The following AGBL1 variants were observed in gnomAD, a reference collection of about 807,000 sequenced individuals.
The protein encoded by AGBL1 is cytosolic carboxypeptidase 4.
AGBL1 carries 130 observed loss-of-function variants against 118.9 expected under a neutral mutation model. The ratio of observed to expected loss-of-function variants is 1.09; its 90% CI spans 0.95 to 1.26. The LOEUF (loss-of-function observed/expected upper bound fraction) is 1.26, where lower values mean the gene tolerates loss of function less well. AGBL1 is among the 50% of genes most tolerant of loss of function. The probability of loss-of-function intolerance (pLI) is 0.00; values close to 1 mark genes in which losing one functional copy is unlikely to be tolerated. For synonymous variants in AGBL1, 555 were observed against 478.9 expected, an observed-to-expected ratio of 1.16 and a Z score of -2.08; for missense variants, 1,584 against 1,298.1, an observed-to-expected ratio of 1.22 and a Z score of -3.38.
intron 22 of AGBL1, among the ~76,000 whole-genome samples, chr15:86,883,212 T>C (rs1302703275): frequency 1.3e-5 from 2 of 152,250 alleles, no homozygotes; most frequent in African/African-American, 4.8e-5. Context: ...CATCTAATGC[T>C]AATAAAATGG....
chr15:86,331,153 G>C (rs1466438558), intron 17 of AGBL1, among the ~76,000 whole-genome samples: 1 of 150,958 alleles, frequency 6.6e-6, no homozygotes, highest in Non-Finnish European at 1.5e-5. Flanking sequence ...GAACCCAGGA[G>C]GCAGAGGTTG....
chr15:86,744,713 A>C (rs1460141532), intron 22 of AGBL1, among the ~76,000 whole-genome samples: 1 of 152,096 alleles, frequency 6.6e-6, no homozygotes, highest in African/African-American at 2.4e-5. Flanking sequence ...CTGAGTCCTG[A>C]GACTAATATG....
chr15:86,334,657 A>AC (rs2080330690), intron 17 of AGBL1, among the ~76,000 whole-genome samples: 1 of 152,050 alleles, frequency 6.6e-6, no homozygotes, highest in Admixed American at 6.6e-5. Flanking sequence ...AGAAAAAAAA[A>AC]CTATTCTAAA....
intron 6 of AGBL1, among the ~76,000 whole-genome samples, chr15:86,231,932 A>T (rs939799513): frequency 8.5e-5 from 13 of 152,238 alleles, no homozygotes; most frequent in Admixed American, 2.0e-4. Flanking sequence ...AACATGGTCC[A>T]TGCCTTGTAG....
intron 21 of AGBL1, among the ~76,000 whole-genome samples, chr15:86,565,106 C>T (rs527982183): frequency 2.6e-5 from 4 of 152,162 alleles, no homozygotes; most frequent in Non-Finnish European, 4.4e-5. Flanking sequence ...GAAGTTTGAT[C>T]GTCTGAAGCC....
intron 24 of AGBL1, among the ~76,000 whole-genome samples, chr15:87,011,096 G>A (rs2081554891): frequency 6.6e-6 from 1 of 152,202 alleles, no homozygotes; most frequent in Non-Finnish European, 1.5e-5. Context: ...TCTTGCCATA[G>A]ATAGTGAATG....
chr15:86,267,293 TACTGATATCATAGCTAC>T (rs56966363), intron 13 of AGBL1, among the ~76,000 whole-genome samples: 72,391 of 151,894 alleles, frequency 0.48, 17,755 homozygotes, highest in African/African-American at 0.58. Context: ...CCACTAAGTG[TACTGATATCATAGCTAC>T]ACTGATATCA....
At chr15:86,480,925 A>G (rs1047082394) in intron 18 of AGBL1, among the ~76,000 whole-genome samples, 1 of 152,060 alleles carries the variant, frequency 6.6e-6, no homozygotes, top group African/African-American at 2.4e-5. Context: ...CATCATGCTA[A>G]GAACTTGGAA....
chr15:86,754,225 T>G (rs2077899619), intron 22 of AGBL1, among the ~76,000 whole-genome samples: 1 of 152,168 alleles, frequency 6.6e-6, no homozygotes, highest in Non-Finnish European at 1.5e-5. Flanking sequence ...TCGTGCTTAC[T>G]CCAAGTTTGT....
intron 5 of AGBL1, among the ~76,000 whole-genome samples, chr15:86,163,564 C>T (rs2077296365): frequency 6.6e-6 from 1 of 151,954 alleles, no homozygotes; most frequent in African/African-American, 2.4e-5. Context: ...CCTATCTCTA[C>T]TAAAAATACA....
intron 5 of AGBL1, among the ~76,000 whole-genome samples, chr15:86,222,519 C>T (rs2078295770): frequency 6.6e-6 from 1 of 152,110 alleles, no homozygotes; most frequent in African/African-American, 2.4e-5. Context: ...TTTGACACCA[C>T]ATCATCTCAA....
At chr15:86,262,289 C>T (rs2079003794) in intron 9 of AGBL1, among the ~76,000 whole-genome samples, 1 of 151,952 alleles carries the variant, frequency 6.6e-6, no homozygotes, top group African/African-American at 2.4e-5. Context: ...CGCTAAAAGG[C>T]AAATACCATG....
intron 19 of AGBL1, among the ~76,000 whole-genome samples, chr15:86,543,650 A>G (rs1395950945): frequency 1.3e-5 from 2 of 152,204 alleles, no homozygotes; most frequent in Non-Finnish European, 2.9e-5. Flanking sequence ...AGTACCTCAC[A>G]AGGAAAGAGT....
chr15:86,967,388 T>G (rs995456246), intron 23 of AGBL1, among the ~76,000 whole-genome samples: 7 of 152,152 alleles, frequency 4.6e-5, no homozygotes, highest in Non-Finnish European at 1.0e-4. Flanking sequence ...GTTTTAGACA[T>G]GAAGTCCTTG....
chr15:86,271,565 G>A, intron 14 of AGBL1, 54 bp from the exon 15 acceptor site: 1 of 1,385,366 alleles, frequency 7.2e-7, no homozygotes, highest in Non-Finnish European at 1.0e-6. Flanking sequence ...TCATTATTTG[G>A]CCCAGAACAA....
intron 16 of AGBL1, among the ~76,000 whole-genome samples, chr15:86,289,762 C>G (rs948035246): frequency 1.1e-4 from 16 of 152,098 alleles, no homozygotes; most frequent in Admixed American, 7.9e-4. Context: ...TTATAAGGAC[C>G]TTTGTCATTA....
chr15:86,779,909 GACACCCCCCCAAC>G (rs2078308648), intron 22 of AGBL1, among the ~76,000 whole-genome samples: 1 of 123,642 alleles, frequency 8.1e-6, no homozygotes, highest in Non-Finnish European at 1.8e-5. Context: ...GTATGTGTTG[GACACCCCCCCAAC>G]ACACACACAC....
rs997753733 is a variant in AGBL1, at chr15:86,273,574, A to C, written c.2075+1868A>C. On this transcript the variant is annotated intron_variant, in intron 15 of 22. Coordinates refer to ENST00000614907, the MANE Select transcript of AGBL1 (RefSeq NM_001386094.1). ...AAAATGATGCCTTAGATTATGCAAT[A>C]TCTCTCTCCCTATTTACCTATCCTG... is the stretch of plus-strand genomic sequence containing the variant. Among the ~76,000 whole-genome samples the C allele has an allele frequency of 3.9e-5, 6 of 152,204 alleles. No homozygotes were observed. In the South Asian group the frequency reaches 8.3e-4, roughly 21 times the overall value.
At chr15:86,401,391 C>T (rs1479238983) in intron 18 of AGBL1, among the ~76,000 whole-genome samples, 1 of 152,100 alleles carries the variant, frequency 6.6e-6, no homozygotes, top group Non-Finnish European at 1.5e-5. Flanking sequence ...ATTTTTCTCC[C>T]ACTCTGTGGG....
Sources: gnomAD v4.1 joint callset for allele counts (sites outside exome capture counted in the v4.1 genomes callset) on GRCh38, gnomAD v4.1.1 for gene constraint, MANE v1.5 for transcripts, NCBI Gene and HGNC (gene_info 2026-07-23, HGNC 2026-07-21) for gene names.